CFL1: variants seen among roughly 807,000 people sequenced by gnomAD.
The protein encoded by CFL1 is cofilin 1.
Under a neutral mutation model 16.3 loss-of-function variants are expected in CFL1, and 2 were observed. The observed-to-expected ratio is 0.12, with a 90% CI of 0.05 to 0.39. The LOEUF (loss-of-function observed/expected upper bound fraction) is 0.39. Among genes scored for constraint, CFL1 ranks in the 10% least tolerant of loss-of-function variants. The pLI is 0.99. For synonymous variants in CFL1, 111 were observed against 84.4 expected (o/e 1.31, Z -1.73); for missense variants, 75 against 212.2 (o/e 0.35, Z 4.02).
At chr11:65,857,350 G>A (rs951300765) in intron 1 of CFL1, 2 of 375,408 alleles carry the variant, frequency 5.3e-6, no homozygotes, top group Non-Finnish European at 1.1e-5. Flanking sequence ...GCTGGCCCAG[G>A]GCTTCGGCAC....
Position 65,858,113 on chromosome 11 carries a change from A to G in CFL1, c.-14T>C. ...GCCGCTCACCATGTTTCCGGAAACG[A>G]AAAGGAGAGGGCACCGAGAGCCGCA... On this transcript the variant is annotated 5_prime_UTR_variant, in exon 1 of 4. Transcript: ENST00000308162. 2 of 1,531,460 alleles carry G rather than the reference A, an allele frequency of 1.3e-6. No individual in the cohort carries two copies. The highest frequency in any genetic ancestry group is 1.8e-6 in the Non-Finnish European group (2 of 1,139,582). The allele number at this position is 1,531,460 out of a possible 1,614,324, so 94.9% of individuals were successfully genotyped here.
chr11:65,856,583 T>C, intron 1 of CFL1: 2 of 275,182 alleles, frequency 7.3e-6, no homozygotes, highest in South Asian at 7.4e-5. Flanking sequence ...GCTCTCAGCC[T>C]TTGGATAAAA....
In CFL1 at chr11:65,854,983, C is replaced by A. The variant is rs1163999818; in HGVS notation, c.*353G>T. 3 of 302,590 alleles carry A rather than the reference C, an allele frequency of 9.9e-6. No individual in the cohort carries two copies. In the East Asian group the frequency reaches 2.5e-4, roughly 25 times the overall value. The allele number at this position is 302,590 out of a possible 1,614,324, so 18.7% of individuals were successfully genotyped here. A position where few individuals can be genotyped will look rare whatever the true frequency, so the allele number is the denominator to read the frequency against. On this transcript the variant is annotated 3_prime_UTR_variant, in exon 4 of 4. Coordinates refer to ENST00000308162, the MANE Select transcript of CFL1 (RefSeq NM_005507.3). ...ACAGACAAGCACAGAGTCACTATTG[C>A]GGTTAGAAGTTGGCAGCATGGGAAG...
In CFL1 at chr11:65,856,135, G is replaced by A. The variant is rs1447965199; in HGVS notation, c.111C>T (p.Leu37=). 3.1e-6 allele frequency: 5 copies of A among 1,614,042 alleles called. No individual in the cohort carries two copies. Among genetic ancestry groups the A allele is most frequent in the Non-Finnish European group, 4.2e-6 (5 of 1,180,040 alleles). The change falls in exon 2 of 4, where the codon CTC becomes CTT. Residue 37 remains leucine, a synonymous_variant. Coordinates refer to ENST00000308162, the MANE Select transcript of CFL1 (RefSeq NM_005507.3). ...EEVKKRKKAV[L]FCLSEDKKNI... is the part of the protein sequence containing the mutation. ...TCTTCTTGTCCTCACTCAGGCAGAA[G>A]AGCACCGCCTTCTTGCGCTTCTTCA...
Position 65,855,410 on chromosome 11 carries a change from C to G in CFL1, c.427G>C (p.Val143Leu). ...TCTGCCAGGGTGCAGCGGTCCTTGA[C>G]CTCCTCGTAGCAGTTTGCTTGCAAT... ...HELQANCYEE[V>L]KDRCTLAEKL... The change falls in exon 4 of 4, where the codon GTC (valine) becomes CTC (leucine). Residue 143 changes from valine (V) to leucine (L), a missense_variant. Val to Leu is a conservative substitution (Grantham distance 32). Coordinates refer to ENST00000308162, the MANE Select transcript of CFL1 (RefSeq NM_005507.3). 6.2e-7 allele frequency: 1 copy of G among 1,613,420 alleles called. No homozygotes were observed. The highest frequency in any genetic ancestry group is 8.5e-7 in the Non-Finnish European group (1 of 1,179,840).
At chr11:65,857,251 G>A (rs1859403099) in intron 1 of CFL1, 1 of 277,446 alleles carries the variant, frequency 3.6e-6, no homozygotes, top group African/African-American at 2.3e-5. Flanking sequence ...GCCGTATACA[G>A]GGGGCGGGGT....
chr11:65,858,004 G>A, intron 1 of CFL1, 93 bp downstream of exon 1: 1 of 1,347,744 alleles, frequency 7.4e-7, no homozygotes, highest in South Asian at 1.3e-5. Context: ...GGGCGCTGGG[G>A]GAGGGGGTGC....
In CFL1 at chr11:65,855,332, G is replaced by A. The variant is rs769348819; in HGVS notation, c.*4C>T. 6.2e-7 allele frequency: 1 copy of A among 1,610,706 alleles called. No homozygotes were observed. Among genetic ancestry groups the A allele is most frequent in the African/African-American group, 1.3e-5 (1 of 74,958 alleles). On this transcript the variant is annotated 3_prime_UTR_variant, in exon 4 of 4. Coordinates refer to ENST00000308162, the MANE Select transcript of CFL1 (RefSeq NM_005507.3). ...GATGCTCCAGGCAGGGGGCCAGAAG[G>A]GGCTCACAAAGGCTTGCCCTCCAGG... is the stretch of plus-strand genomic sequence containing the variant.
At position 65,858,147 on chromosome 11, in the gene CFL1, G is replaced by A. The variant is rs908102720; in HGVS notation, c.-48C>T. 2.3e-5 allele frequency: 35 copies of A among 1,516,618 alleles called. No individual in the cohort carries two copies. Among genetic ancestry groups the A allele is most frequent in the Admixed American group, 8.3e-5 (4 of 48,102 alleles). 93.9% of individuals were successfully genotyped at this position (1,516,618 alleles called of 1,614,324 possible). On this transcript the variant is annotated 5_prime_UTR_variant, in exon 1 of 4. Transcript: ENST00000308162. ...GGGCACCGAGAGCCGCAGAAGACGA[G>A]AGCGCTGCAGCCGCTGCCGGGACCC... is the stretch of plus-strand genomic sequence containing the variant.
chr11:65,857,652 A>G, intron 1 of CFL1: 1 of 221,300 alleles, frequency 4.5e-6, no homozygotes, highest in South Asian at 3.4e-5. Flanking sequence ...AGGGAGGGTG[A>G]CGCGCAGACA....
Position 65,855,279 on chromosome 11 carries a change from AC to A in CFL1, c.*56del, listed in dbSNP as rs1165032365. The A allele has an allele frequency of 2.8e-6, 4 of 1,452,432 alleles. No homozygotes were observed. The East Asian group carries it at 6.8e-5, about 25-fold the overall frequency. The allele number at this position is 1,452,432 out of a possible 1,614,324, so 90.0% of individuals were successfully genotyped here. Reference sequence around the variant, plus strand: ...TCTGGCAGGAAGGGGGCAGCCTGCAACCCCCAAGGGCAGGTGTGGGGCTGCC... The same window carrying A: ...TCTGGCAGGAAGGGGGCAGCCTGCAACCCCAAGGGCAGGTGTGGGGCTGCC... On this transcript the variant is annotated 3_prime_UTR_variant, in exon 4 of 4. Coordinates refer to ENST00000308162, the MANE Select transcript of CFL1 (RefSeq NM_005507.3).
intron 1 of CFL1, chr11:65,857,308 C>T: frequency 6.3e-6 from 2 of 319,894 alleles, no homozygotes; most frequent in South Asian, 4.2e-5. Flanking sequence ...AACTCGGCTC[C>T]ACCCTCACTC....
At chr11:65,857,506 G>A in intron 1 of CFL1, 3 of 340,234 alleles carry the variant, frequency 8.8e-6, no homozygotes, top group South Asian at 5.6e-5. Flanking sequence ...GCCTTGCGGT[G>A]CAAGGCCTTA....
At position 65,857,471 on chromosome 11, in the gene CFL1, G is replaced by A; in HGVS notation, c.3+626C>T. On this transcript the variant is annotated intron_variant, in intron 1 of 3. Coordinates refer to ENST00000308162, the MANE Select transcript of CFL1 (RefSeq NM_005507.3). ...CGTTAGATGCGCTCCCGAACGGGCC[G>A]CGGTCTCTGCGATGCCCCCTCCAAG... 2 of 403,098 alleles carry A rather than the reference G, an allele frequency of 5.0e-6. 1 individual carries two copies. The highest frequency in any genetic ancestry group is 3.3e-5 in the South Asian group (2 of 60,446). 25.0% of individuals were successfully genotyped at this position (403,098 alleles called of 1,614,324 possible).
chr11:65,855,649 C>A lies in CFL1; in HGVS notation c.388+5G>T. On this transcript the variant is annotated splice_donor_5th_base_variant and intron_variant, in intron 3 of 3. Transcript: ENST00000308162. ...AGGGCACTCAGCACCAATGCTGGCC[C>A]TTACCTGTCAGCTTCTTCTTGATGG... The A allele has an allele frequency of 6.4e-7, 1 of 1,567,052 alleles. No individual in the cohort carries two copies. The highest frequency in any genetic ancestry group is 1.9e-5 in the Admixed American group (1 of 52,758).
chr11:65,856,265 G>C lies in CFL1; in HGVS notation c.4-23C>G, dbSNP rs369515217. 2.5e-6 allele frequency: 4 copies of C among 1,602,150 alleles called. No individual in the cohort carries two copies. In the African/African-American group the frequency reaches 5.4e-5, roughly 22 times the overall value. On this transcript the variant is annotated intron_variant, in intron 1 of 3. Transcript: ENST00000308162. ...GGCCTAGGAGACATGCCACGTATAC[G>C]TCAAGAAAAGGATTCTAGGGAACTG... is the stretch of plus-strand genomic sequence containing the variant.
intron 1 of CFL1, 28 bp from the exon 2 acceptor site, chr11:65,856,270 G>T: frequency 6.3e-7 from 1 of 1,599,076 alleles, no homozygotes; most frequent in Admixed American, 1.7e-5. Flanking sequence ...TATACGTCAA[G>T]AAAAGGATTC....
Position 65,855,360 on chromosome 11 carries a change from G to C in CFL1, c.477C>G (p.Ile159Met). The change falls in exon 4 of 4, where the codon ATC becomes ATG. Residue 159 changes from isoleucine (I) to methionine (M), a missense_variant. By Grantham distance (10) the Ile-to-Met change is conservative (BLOSUM62 1). Coordinates refer to ENST00000308162, the MANE Select transcript of CFL1 (RefSeq NM_005507.3). ...LAEKLGGSAV[I>M]SLEGKPL ...CTCACAAAGGCTTGCCCTCCAGGGAGATGACGGCACTGCCCCCCAGCTTCT... is the reference window on the plus strand; with the variant it reads ...CTCACAAAGGCTTGCCCTCCAGGGACATGACGGCACTGCCCCCCAGCTTCT... The C allele has an allele frequency of 6.2e-7, 1 of 1,611,980 alleles. No homozygotes were observed. The highest frequency in any genetic ancestry group is 8.5e-7 in the Non-Finnish European group (1 of 1,179,820).
intron 1 of CFL1, 26 bp downstream of exon 1, chr11:65,858,071 C>T (rs1028142224): frequency 6.5e-7 from 1 of 1,532,700 alleles, no homozygotes; most frequent in Non-Finnish European, 8.8e-7. Context: ...AGCCGCCTCC[C>T]TCAGGCGCCG....
Sources: gnomAD v4.1 joint callset for allele counts on GRCh38, gnomAD v4.1.1 for gene constraint, MANE v1.5 for transcripts, NCBI Gene and HGNC (gene_info 2026-07-23, HGNC 2026-07-21) for gene names.